The following AK9 variants were observed in gnomAD, a reference collection of about 807,000 sequenced individuals.
The protein encoded by AK9 is adenylate kinase domain containing 1.
A neutral mutation model predicts 239.6 loss-of-function variants in AK9; 191 were observed. That is an observed-to-expected ratio of 0.80 (90% confidence interval 0.71 to 0.90). AK9 has a LOEUF of 0.90. AK9 is among the 40% of genes least tolerant of loss of function. The pLI, the probability that AK9 is intolerant of heterozygous loss-of-function variation, is 0.00. For synonymous variants in AK9, 689 were observed against 721.0 expected (o/e 0.96, Z 0.71); for missense variants, 1,995 against 2,214.7 (o/e 0.90, Z 1.99).
chr6:109,582,301 T>C (rs9480980), intron 19 of AK9, among the ~76,000 whole-genome samples: 31,568 of 152,122 alleles, frequency 0.21, 3,459 homozygotes, highest in South Asian at 0.34. Context: ...GTGATTCCTC[T>C]AATAGATCTG....
At chr6:109,566,125 G>C (rs556322393) in intron 21 of AK9, among the ~76,000 whole-genome samples, 1 of 152,164 alleles carries the variant, frequency 6.6e-6, no homozygotes, top group South Asian at 2.1e-4. Context: ...TACAAGATGA[G>C]TACTTACTAA....
chr6:109,493,314 C>G lies in AK9; in HGVS notation c.*55G>C. 6.5e-7 allele frequency: 1 copy of G among 1,547,100 alleles called. No individual in the cohort carries two copies. Among genetic ancestry groups the G allele is most frequent in the Non-Finnish European group, 8.9e-7 (1 of 1,128,580 alleles). ...ATTTTCAATCTACTTCTCTCAGTTTCCCTCTATCACTTTCAGATAACTCTT... is the reference window on the plus strand; with the variant it reads ...ATTTTCAATCTACTTCTCTCAGTTTGCCTCTATCACTTTCAGATAACTCTT... On this transcript the variant is annotated 3_prime_UTR_variant, in exon 41 of 41. Coordinates refer to ENST00000424296, the MANE Select transcript of AK9 (RefSeq NM_001145128.3).
intron 27 of AK9, among the ~76,000 whole-genome samples, chr6:109,535,350 C>T (rs139759474): frequency 5.3e-5 from 8 of 152,192 alleles, no homozygotes; most frequent in East Asian, 1.9e-4. Flanking sequence ...ATTTCTCTGA[C>T]GGTCAGTGAT....
chr6:109,532,624 A>T (rs898293549), intron 28 of AK9, among the ~76,000 whole-genome samples: 1 of 152,144 alleles, frequency 6.6e-6, no homozygotes, highest in Non-Finnish European at 1.5e-5. Context: ...AATTCTAAGG[A>T]TATACCACCT....
chr6:109,588,586 TTTAA>T (rs1789829843), intron 17 of AK9, among the ~76,000 whole-genome samples: 1 of 152,206 alleles, frequency 6.6e-6, no homozygotes, highest in Admixed American at 6.5e-5. Context: ...AAACTTTTCA[TTTAA>T]TTACGTCCTA....
chr6:109,597,221 G>C (rs185025484), intron 17 of AK9, among the ~76,000 whole-genome samples: 70 of 152,144 alleles, frequency 4.6e-4, no homozygotes, highest in Middle Eastern at 3.4e-3. Context: ...GCTGCCAAAA[G>C]CATCTGTATC....
At chr6:109,644,997 T>C (rs1276391633) in intron 8 of AK9, among the ~76,000 whole-genome samples, 4 of 152,246 alleles carry the variant, frequency 2.6e-5, no homozygotes, top group Non-Finnish European at 4.4e-5. Context: ...ATTTGGTTTC[T>C]AAACCATGGA....
rs1246538327 is a variant in AK9, at chr6:109,529,008, T to C, written c.3633+3A>G. 1.2e-6 allele frequency: 2 copies of C among 1,602,042 alleles called. No homozygotes were observed. Among genetic ancestry groups the C allele is most frequent in the Admixed American group, 3.5e-5 (2 of 57,446 alleles). Reference sequence around the variant, plus strand: ...TTTTGAAAAAAAAAACAAAACTACTTACCTCCCTCCTTTTTTTATCTCTCT... The same window carrying C: ...TTTTGAAAAAAAAAACAAAACTACTCACCTCCCTCCTTTTTTTATCTCTCT... On this transcript the variant is annotated splice_donor_region_variant and intron_variant, in intron 29 of 40. Transcript: ENST00000424296.
chr6:109,579,301 T>G (rs959792932), intron 20 of AK9: 2 of 395,942 alleles, frequency 5.1e-6, no homozygotes, highest in Non-Finnish European at 9.1e-6. Context: ...GGTGTATGAG[T>G]AGGTATCTCT....
intron 33 of AK9, among the ~76,000 whole-genome samples, chr6:109,508,264 T>C (rs1056097511): frequency 2.0e-5 from 3 of 152,214 alleles, no homozygotes; most frequent in Non-Finnish European, 4.4e-5. Context: ...TCAACTTCTT[T>C]GTCCTGTGAA....
At chr6:109,632,064 T>C in intron 12 of AK9, 1 of 740,162 alleles carries the variant, frequency 1.4e-6, no homozygotes, top group Non-Finnish European at 1.6e-6. Flanking sequence ...TGAGAGGGCG[T>C]CTGGGTGCTG....
chr6:109,682,359 G>A (rs1257232134), intron 1 of AK9, among the ~76,000 whole-genome samples: 4 of 148,216 alleles, frequency 2.7e-5, no homozygotes, highest in East Asian at 4.0e-4. Flanking sequence ...CCCGGGAGGC[G>A]GAGCTTGCAG....
intron 9 of AK9, 58 bp downstream of exon 9, chr6:109,644,556 T>G: frequency 3.5e-6 from 5 of 1,413,552 alleles, no homozygotes; most frequent in South Asian, 1.3e-5. Flanking sequence ...AGTACAATAC[T>G]GTCAATAGAT....
At chr6:109,597,617 G>T (rs1049091682) in intron 17 of AK9, among the ~76,000 whole-genome samples, 6 of 152,114 alleles carry the variant, frequency 3.9e-5, no homozygotes, top group African/African-American at 1.4e-4. Context: ...AGCTTGCAGT[G>T]AGCCGAGATG....
chr6:109,678,700 CT>C (rs1247005577), intron 1 of AK9, among the ~76,000 whole-genome samples: 2 of 147,840 alleles, frequency 1.4e-5, no homozygotes, highest in Non-Finnish European at 3.0e-5. Flanking sequence ...TGGTCTGCAG[CT>C]CCCAGCGAGA....
chr6:109,603,554 A>G (rs1034329444), intron 17 of AK9, among the ~76,000 whole-genome samples: 9 of 152,110 alleles, frequency 5.9e-5, no homozygotes, highest in African/African-American at 2.2e-4. Context: ...GTCCGTTCTG[A>G]GATCTGAAAC....
intron 15 of AK9, among the ~76,000 whole-genome samples, chr6:109,613,872 C>T (rs1182817459): frequency 4.0e-5 from 6 of 151,866 alleles, no homozygotes; most frequent in East Asian, 1.9e-4. Context: ...GATTCCAATA[C>T]GTTAAAGTAG....
chr6:109,663,812 C>T (rs1800787626), intron 5 of AK9, among the ~76,000 whole-genome samples: 1 of 152,200 alleles, frequency 6.6e-6, no homozygotes, highest in African/African-American at 2.4e-5. Flanking sequence ...TTCCACAATG[C>T]AACCAACCTT....
chr6:109,634,567 T>A (rs939208907), intron 10 of AK9, among the ~76,000 whole-genome samples: 4 of 152,210 alleles, frequency 2.6e-5, no homozygotes, highest in Non-Finnish European at 5.9e-5. Flanking sequence ...TGAGCTATGA[T>A]CTTCCATGGA....
Sources: allele counts gnomAD v4.1 joint callset (sites outside exome capture counted in the v4.1 genomes callset), GRCh38; gene constraint gnomAD v4.1.1; transcripts MANE v1.5; gene names NCBI Gene and HGNC (gene_info 2026-07-23, HGNC 2026-07-21).